The following COPB1 variants were observed in gnomAD, a reference collection of about 807,000 sequenced individuals.
COPB1 encodes coat protein complex I subunit beta 1.
In COPB1, 21 loss-of-function variants were observed where a neutral mutation model predicts 108.7. The ratio of observed to expected loss-of-function variants is 0.19; its 90% CI spans 0.14 to 0.28. The LOEUF is 0.28. Ranked by LOEUF, COPB1 falls within the 10% of genes least tolerant of loss-of-function variation. The pLI is 1.00. For missense variants in COPB1, 919 were observed against 1,141.3 expected, an observed-to-expected ratio of 0.81 and a Z score of 2.81; for synonymous variants, 378 against 386.8, an observed-to-expected ratio of 0.98 and a Z score of 0.27.
intron 13 of COPB1, 102 bp from the exon 14 acceptor site, chr11:14,474,717 T>C (rs932699446): frequency 1.4e-6 from 2 of 1,467,400 alleles, no homozygotes; most frequent in African/African-American, 2.8e-5. Flanking sequence ...CTTATTACCA[T>C]CCTTCAGTGA....
At chr11:14,477,169 G>C (rs1425223270) in intron 11 of COPB1, among the ~76,000 whole-genome samples, 154 bp from the exon 12 acceptor site, 1 of 148,940 alleles carries the variant, frequency 6.7e-6, no homozygotes, top group African/African-American at 2.5e-5. Context: ...GGATCACGAG[G>C]TCAGGAGATC....
chr11:14,477,344 C>T (rs1242056353), intron 11 of COPB1, among the ~76,000 whole-genome samples: 9 of 128,396 alleles, frequency 7.0e-5, no homozygotes, highest in African/African-American at 1.2e-4. Flanking sequence ...GAGCCAAGAT[C>T]GCGCCACTGC....
intron 7 of COPB1, among the ~76,000 whole-genome samples, chr11:14,485,595 C>A (rs576422698): frequency 1.3e-5 from 2 of 152,254 alleles, no homozygotes; most frequent in Admixed American, 6.5e-5. Context: ...GCCTGTAATC[C>A]CAGCATTTTG....
At chr11:14,477,918 A>C (rs1389409672) in intron 11 of COPB1, among the ~76,000 whole-genome samples, 2 of 150,768 alleles carry the variant, frequency 1.3e-5, no homozygotes, top group Non-Finnish European at 3.0e-5. Flanking sequence ...AAAAAAAAGA[A>C]CTGCCTGAAT....
intron 11 of COPB1, 32 bp downstream of exon 11, chr11:14,479,537 T>C: frequency 1.3e-6 from 2 of 1,575,788 alleles, no homozygotes; most frequent in Non-Finnish European, 1.7e-6. Context: ...AATGCTTACT[T>C]GACCTTACAT....
rs748562590 is a variant in COPB1, at chr11:14,458,074, A to ATTTT, written c.2803-195_2803-192dup. On this transcript the variant is annotated intron_variant, in intron 21 of 21. Coordinates refer to ENST00000439561, the MANE Select transcript of COPB1 (RefSeq NM_001144061.2). ...GCTAGATTTTTCAAGCCGTCACCAG[A>ATTTT]TTTTTTTTTTTTTTTTTTTTTTTGA... Among the ~76,000 whole-genome samples the ATTTT allele has an allele frequency of 7.5e-3, 752 of 100,676 alleles. 3 individuals are homozygous for ATTTT. Among genetic ancestry groups the ATTTT allele is most frequent in the African/African-American group, 0.012 (303 of 25,310 alleles). The allele number at this position is 100,676 out of a possible 152,430, so 66.0% of individuals were successfully genotyped here.
In COPB1 at chr11:14,465,015, A is replaced by G. The variant is rs368988343; in HGVS notation, c.2306T>C (p.Val769Ala). ...ELATLGDLKL[V>A]EKPSPLTLAP... Reference sequence around the variant, plus strand: ...AAGAGTCAAAGGAGACGGCTTTTCCACAAGTTTCAGATCCCCTGAAAGAAA... The same window carrying G: ...AAGAGTCAAAGGAGACGGCTTTTCCGCAAGTTTCAGATCCCCTGAAAGAAA... Residue 769 changes from valine to alanine, a missense_variant, in exon 18 of 22, where the codon GTG (valine) becomes GCG (alanine). By Grantham distance (64) the Val-to-Ala change is moderately conservative (BLOSUM62 0). Coordinates refer to ENST00000439561, the MANE Select transcript of COPB1 (RefSeq NM_001144061.2). 1.2e-6 allele frequency: 2 copies of G among 1,611,028 alleles called. No individual in the cohort carries two copies. The highest frequency in any genetic ancestry group is 1.7e-6 in the Non-Finnish European group (2 of 1,178,670).
At chr11:14,459,909 G>C (rs1850107535) in intron 20 of COPB1, 1 of 200,098 alleles carries the variant, frequency 5.0e-6, no homozygotes, top group South Asian at 1.2e-4. Flanking sequence ...GAACCACCAT[G>C]TGCAGCATAA....
chr11:14,497,970 T>G (rs940103193), intron 2 of COPB1, among the ~76,000 whole-genome samples: 2 of 152,196 alleles, frequency 1.3e-5, no homozygotes, highest in Non-Finnish European at 2.9e-5. Flanking sequence ...ATGTTCTCAC[T>G]TATTTGTGGA....
At chr11:14,459,972 T>G (rs1254687422) in intron 20 of COPB1, 2 of 343,588 alleles carry the variant, frequency 5.8e-6, no homozygotes, top group Admixed American at 4.9e-5. Context: ...GAAAAGAAAA[T>G]AAAAAAAAAA....
chr11:14,480,529 T>A (rs1280412727), intron 10 of COPB1, among the ~76,000 whole-genome samples: 1 of 152,158 alleles, frequency 6.6e-6, no homozygotes, highest in Non-Finnish European at 1.5e-5. Flanking sequence ...TAAAATAATA[T>A]GCAAAGCTTT....
At chr11:14,460,841 G>A (rs112289305) in intron 19 of COPB1, among the ~76,000 whole-genome samples, 1 of 152,208 alleles carries the variant, frequency 6.6e-6, no homozygotes, top group East Asian at 1.9e-4. Context: ...AAGGCTCAAA[G>A]GGACAAAGTT....
At chr11:14,488,446 T>C (rs112552011) in intron 6 of COPB1, 46 bp downstream of exon 6, 1 of 1,254,724 alleles carries the variant, frequency 8.0e-7, no homozygotes, top group South Asian at 1.4e-5. Flanking sequence ...TAACCCTGTC[T>C]TAAACTGCTG....
intron 14 of COPB1, among the ~76,000 whole-genome samples, chr11:14,471,912 G>C (rs1053130123): frequency 3.9e-5 from 6 of 152,112 alleles, no homozygotes; most frequent in African/African-American, 1.4e-4. Flanking sequence ...AGAAGAGTGA[G>C]ACTCCGTCTA....
At chr11:14,461,154 A>T in intron 19 of COPB1, 32 bp downstream of exon 19, 1 of 1,613,642 alleles carries the variant, frequency 6.2e-7, no homozygotes, top group Non-Finnish European at 8.5e-7. Flanking sequence ...AAGAAAGATA[A>T]AGGAATATGA....
intron 6 of COPB1, 29 bp downstream of exon 6, chr11:14,488,462 AT>A: frequency 1.4e-6 from 2 of 1,435,324 alleles, no homozygotes; most frequent in Non-Finnish European, 9.7e-7. Context: ...TGCTGAGTTT[AT>A]TTTACTCATC....
chr11:14,471,576 A>G (rs1194146667), intron 14 of COPB1, among the ~76,000 whole-genome samples: 1 of 152,238 alleles, frequency 6.6e-6, no homozygotes, highest in Non-Finnish European at 1.5e-5. Context: ...CTTGTAAATT[A>G]TCTGGCTCTC....
chr11:14,471,840 TA>T (rs1485803956), intron 14 of COPB1, among the ~76,000 whole-genome samples: 5 of 152,162 alleles, frequency 3.3e-5, no homozygotes, highest in Admixed American at 3.3e-4. Flanking sequence ...GAGAATTGCT[TA>T]AACCCAGGAG....
intron 14 of COPB1, among the ~76,000 whole-genome samples, chr11:14,470,631 C>A (rs149556026): frequency 6.6e-6 from 1 of 151,854 alleles, no homozygotes; most frequent in African/African-American, 2.4e-5. Context: ...CTACTGGAGG[C>A]CTGGGAAAAA....
Sources: allele counts gnomAD v4.1 joint callset (sites outside exome capture counted in the v4.1 genomes callset), GRCh38; gene constraint gnomAD v4.1.1; transcripts MANE v1.5; gene names NCBI Gene and HGNC (gene_info 2026-07-23, HGNC 2026-07-21).